Variants in C10orf105 observed in about 807,000 individuals in gnomAD.
C10orf105 encodes chromosome 10 open reading frame 105.
In C10orf105, 2 loss-of-function variants were observed where a neutral mutation model predicts 0.6. The ratio of observed to expected loss-of-function variants is 3.18; its 90% CI spans 1.30 to 10.01. C10orf105 has a LOEUF of 10.01. C10orf105 is among the 30% of genes most tolerant of loss of function. C10orf105 has a pLI of 0.04. For synonymous variants in C10orf105, 95 were observed against 82.4 expected, an observed-to-expected ratio of 1.15 and a Z score of -0.83; for missense variants, 209 against 191.4, an observed-to-expected ratio of 1.09 and a Z score of -0.54.
At chr10:71,725,071 C>T (rs1240911530) in intron 1 of C10orf105, among the ~76,000 whole-genome samples, 3 of 152,070 alleles carry the variant, frequency 2.0e-5, no homozygotes, top group African/African-American at 4.8e-5. Flanking sequence ...AGGAGCAGGG[C>T]GAGGGGGACC....
At chr10:71,734,933 T>C (rs150017222) in intron 1 of C10orf105, among the ~76,000 whole-genome samples, 1 of 152,316 alleles carries the variant, frequency 6.6e-6, no homozygotes, top group East Asian at 1.9e-4. Context: ...GGAAGACCAC[T>C]GAGGGCTCAT....
At chr10:71,730,616 A>G in intron 1 of C10orf105, 1 of 1,613,544 alleles carries the variant, frequency 6.2e-7, no homozygotes, top group Non-Finnish European at 8.5e-7. Flanking sequence ...TGAGGCTGGC[A>G]GGAGGAAGCC....
upstream of C10orf105, chr10:71,724,127 TG>T (rs778126293): frequency 6.4e-6 from 10 of 1,552,678 alleles, no homozygotes; most frequent in South Asian, 7.1e-5. Flanking sequence ...TGCCCTAGGA[TG>T]GGGGGCGGTC....
intron 1 of C10orf105, chr10:71,732,786 G>A (rs1839434008): frequency 1.1e-6 from 1 of 904,812 alleles, no homozygotes; most frequent in Admixed American, 4.9e-5. Context: ...TTCACCTCTG[G>A]TCATCGAAGT....
chr10:71,730,531 C>T lies in C10orf105; in HGVS notation c.-6+7197G>A, dbSNP rs2132820182. 1 of 1,613,944 alleles carries T rather than the reference C, an allele frequency of 6.2e-7. No individual in the cohort carries two copies. Among genetic ancestry groups the T allele is most frequent in the South Asian group, 1.1e-5 (1 of 91,072 alleles). On this transcript the variant is annotated intron_variant, in intron 1 of 1. Transcript: ENST00000398786. ...CCGTGTTCACACAGCAGCAGTACAG[C>T]CGTCTGGGGCTTCGAGAGACCGCAG... is the stretch of plus-strand genomic sequence containing the variant.
Position 71,712,538 on chromosome 10 carries a change from A to G in C10orf105, c.*3398T>C. 9.8e-7 allele frequency: 1 copy of G among 1,017,172 alleles called. No homozygotes were observed. 63.0% of individuals were successfully genotyped at this position (1,017,172 alleles called of 1,614,324 possible). On this transcript the variant is annotated 3_prime_UTR_variant, in exon 2 of 2. Transcript: ENST00000441508. The stretch of plus-strand genomic sequence containing the variant: ...AGCTAAAAAGGAAGTCACCCCTTGC[A>G]AAGGCTAGGGCAGATGGGGCGGAAC...
At position 71,713,028 on chromosome 10, in the gene C10orf105, G is replaced by A. The variant is rs758778076; in HGVS notation, c.*2908C>T. On this transcript the variant is annotated 3_prime_UTR_variant, in exon 2 of 2. Coordinates refer to ENST00000441508, the MANE Select transcript of C10orf105 (RefSeq NM_001164375.3). ...CCCAGGTTGCAGAGCTGAGGATAGG[G>A]CTCTGGCTCCCCACAAACAGGAGGA... 2.7e-6 allele frequency: 2 copies of A among 735,278 alleles called. No homozygotes were observed. The highest frequency in any genetic ancestry group is 3.5e-5 in the African/African-American group (2 of 57,572). 45.5% of individuals were successfully genotyped at this position (735,278 alleles called of 1,614,324 possible). A position where few individuals can be genotyped will look rare whatever the true frequency, so the allele number is the denominator to read the frequency against.
upstream of C10orf105, chr10:71,724,101 C>G: frequency 1.3e-6 from 2 of 1,557,668 alleles, no homozygotes; most frequent in African/African-American, 1.4e-5. Context: ...ACCGCATCCT[C>G]CATGGTAAGT....
chr10:71,726,969 C>G (rs749831966), intron 1 of C10orf105, among the ~76,000 whole-genome samples: 1 of 152,214 alleles, frequency 6.6e-6, no homozygotes, highest in Non-Finnish European at 1.5e-5. Flanking sequence ...TAAAACAGAT[C>G]GAAGCCAGAC....
intron 1 of C10orf105, chr10:71,732,239 T>TG (rs1343296540): frequency 6.2e-7 from 1 of 1,613,780 alleles, no homozygotes; most frequent in Admixed American, 1.7e-5. Flanking sequence ...GCTGCCATCC[T>TG]GGAGAATCTG....
chr10:71,721,880 T>G (rs992380649), upstream of C10orf105, among the ~76,000 whole-genome samples: 2 of 152,154 alleles, frequency 1.3e-5, no homozygotes, highest in African/African-American at 4.8e-5. Flanking sequence ...GTTCCTTCCT[T>G]AGCCTCCCCA....
intron 1 of C10orf105, among the ~76,000 whole-genome samples, chr10:71,730,781 C>T (rs1467878687): frequency 6.6e-6 from 1 of 152,264 alleles, no homozygotes; most frequent in African/African-American, 2.4e-5. Flanking sequence ...TGGCCCCAGC[C>T]TGAGAGGGTT....
At chr10:71,736,231 G>T (rs1393940676) in intron 1 of C10orf105, among the ~76,000 whole-genome samples, 1 of 152,244 alleles carries the variant, frequency 6.6e-6, no homozygotes, top group East Asian at 1.9e-4. Context: ...TTCTGCCCTG[G>T]CTTCCTCTGA....
chr10:71,725,413 C>G, intron 1 of C10orf105: 3 of 1,614,066 alleles, frequency 1.9e-6, no homozygotes, highest in Non-Finnish European at 2.5e-6. Context: ...CAGCAATGGG[C>G]TCCTGATGCG....
chr10:71,734,578 G>A, intron 1 of C10orf105: 1 of 1,603,462 alleles, frequency 6.2e-7, no homozygotes, highest in South Asian at 1.1e-5. Context: ...AGTGGGGTCT[G>A]GAAGAGCCAC....
At chr10:71,722,398 T>G (rs142472840), upstream of C10orf105, among the ~76,000 whole-genome samples, 394 of 152,346 alleles carry the variant, frequency 2.6e-3, 2 homozygotes, top group Middle Eastern at 6.8e-3. Flanking sequence ...CTGGAATAAC[T>G]GGGCCCAAGG....
intron 1 of C10orf105, among the ~76,000 whole-genome samples, chr10:71,736,873 G>A (rs536651060): frequency 1.2e-3 from 179 of 152,300 alleles, no homozygotes; most frequent in African/African-American, 4.0e-3. Context: ...CCTATAATAA[G>A]GTGTCAGGGA....
In C10orf105 at chr10:71,728,467, C is replaced by A. The variant is rs148029457; in HGVS notation, c.-6+9261G>T. On this transcript the variant is annotated intron_variant, in intron 1 of 1. Coordinates refer to the C10orf105 transcript ENST00000398786. ...CCTCCACTGGTCAGGCTGCTGTTTT[C>A]GGCTTCTACCAGCCAGAAGCTCTGT... Among the ~76,000 whole-genome samples the A allele has an allele frequency of 2.1e-3, 316 of 152,278 alleles. 1 individual carries two copies. Among genetic ancestry groups the A allele is most frequent in the African/African-American group, 7.1e-3 (296 of 41,546 alleles).
chr10:71,716,469 C>T (rs1866247165), intron 1 of C10orf105, 127 bp from the exon 2 acceptor site: 3 of 708,186 alleles, frequency 4.2e-6, no homozygotes, highest in South Asian at 2.0e-5. Context: ...GCATCATGGC[C>T]ACATCACAGG....
Sources: gnomAD v4.1 joint callset for allele counts (sites outside exome capture counted in the v4.1 genomes callset) on GRCh38, gnomAD v4.1.1 for gene constraint, MANE v1.5 for transcripts, NCBI Gene and HGNC (gene_info 2026-07-23, HGNC 2026-07-21) for gene names.